Variants in SORL1-AS1 observed in about 807,000 individuals in gnomAD.
SORL1-AS1 encodes the protein SORL1 antisense RNA 1.
In SORL1-AS1 at chr11:121,452,464, G is replaced by T. The variant is rs577492989; in HGVS notation, n.339+211C>A. On this transcript the variant is annotated intron_variant and non_coding_transcript_variant, in intron 1 of 1. Transcript: ENST00000501964. This position sits in a 1 kb window ranked among gnomAD's most constrained non-coding sequence, Gnocchi z 5.3. ...CGGCGGCAGCGCGCCCTTGCCCCAG[G>T]ACCGGGGCTTCCTCGTGGTGCAGGG... 20 of 1,508,208 alleles carry T rather than the reference G, an allele frequency of 1.3e-5. No homozygotes were observed. Among genetic ancestry groups the T allele is most frequent in the Middle Eastern group, 2.2e-4 (1 of 4,632 alleles). 93.4% of individuals were successfully genotyped at this position (1,508,208 alleles called of 1,614,324 possible).
rs1860744234 is a variant in SORL1-AS1 at position 121,447,977 on chromosome 11, A to G, written n.2262T>C. ...CTAAGAGAGGTATCAGATGTGGCAG[A>G]AAAAGGGAGCCTGGGTTCAAATTTA... is the stretch of plus-strand genomic sequence containing the variant. On this transcript the variant is annotated non_coding_transcript_exon_variant, in exon 2 of 2. Transcript: ENST00000501964. The G allele has an allele frequency of 2.0e-5, 3 of 152,204 alleles. No homozygotes were observed. In the South Asian group the frequency reaches 6.2e-4, roughly 32 times the overall value. The allele number at this position is 152,204 out of a possible 1,614,324, so 9.4% of individuals were successfully genotyped here.
downstream of SORL1-AS1, among the ~76,000 whole-genome samples, chr11:121,444,267 C>T (rs1001543959): frequency 2.0e-5 from 3 of 152,196 alleles, no homozygotes; most frequent in Admixed American, 2.0e-4. Flanking sequence ...AATTGATTTA[C>T]CAACAATACC....
rs370760918 is a variant in SORL1-AS1 at position 121,452,229 on chromosome 11, C to T, written n.339+446G>A. On this transcript the variant is annotated intron_variant and non_coding_transcript_variant, in intron 1 of 1. Coordinates refer to ENST00000501964, the Ensembl canonical transcript of SORL1-AS1. The surrounding 1 kb of genome is among the most constrained non-coding windows in gnomAD (Gnocchi z 5.3). ...CCGGAGCGGCGCGGGCGGCCTGGAG[C>T]CCCGGGAGCGGCGCGCGCGGTCCCG... 367 of 926,298 alleles carry T rather than the reference C, an allele frequency of 4.0e-4. 2 individuals are homozygous for T. The East Asian group carries it at 0.012, about 30-fold the overall frequency. 57.4% of individuals were successfully genotyped at this position (926,298 alleles called of 1,614,324 possible).
rs1053604161 is a variant in SORL1-AS1, at chr11:121,450,864, G to A, written n.340-965C>T. Among the ~76,000 whole-genome samples the A allele has an allele frequency of 4.6e-5, 7 of 152,116 alleles. No homozygotes were observed. Among genetic ancestry groups the A allele is most frequent in the South Asian group, 2.1e-4 (1 of 4,838 alleles). On this transcript the variant is annotated intron_variant and non_coding_transcript_variant, in intron 1 of 1. Coordinates refer to ENST00000501964, the Ensembl canonical transcript of SORL1-AS1. The surrounding 1 kb of genome is among the most constrained non-coding windows in gnomAD (Gnocchi z 5.2). ...GAGGCAGAGGTCCCCAGCAAGTCTG[G>A]CATGGGGTAGGGTAGGGTGGTTGAA...
intron 1 of SORL1-AS1, among the ~76,000 whole-genome samples, chr11:121,451,304 T>A (rs961125475): frequency 6.6e-6 from 1 of 152,254 alleles, no homozygotes; most frequent in Non-Finnish European, 1.5e-5. Flanking sequence ...GCAGAAGTTT[T>A]ATCTCCTGTG....
chr11:121,441,901 C>A, the SORL1-AS1 span, among the ~76,000 whole-genome samples: 1 of 152,214 alleles, frequency 6.6e-6, no homozygotes, highest in African/African-American at 2.4e-5. Flanking sequence ...CCCAACTAAT[C>A]CACTGATCCT....
chr11:121,452,471 G>A lies in SORL1-AS1; in HGVS notation n.339+204C>T. The A allele has an allele frequency of 6.6e-7, 1 of 1,505,706 alleles. No homozygotes were observed. The allele number at this position is 1,505,706 out of a possible 1,614,324, so 93.3% of individuals were successfully genotyped here. The stretch of plus-strand genomic sequence containing the variant: ...AGCGCGCCCTTGCCCCAGGACCGGG[G>A]CTTCCTCGTGGTGCAGGGCGACCCG... On this transcript the variant is annotated intron_variant and non_coding_transcript_variant, in intron 1 of 1. Transcript: ENST00000501964. The surrounding 1 kb of genome is among the most constrained non-coding windows in gnomAD (Gnocchi z 5.3).
chr11:121,444,108 GTGTC>G (rs1390231308), downstream of SORL1-AS1, among the ~76,000 whole-genome samples: 2 of 151,954 alleles, frequency 1.3e-5, no homozygotes, highest in Admixed American at 6.6e-5. Flanking sequence ...GTGTGTGTGT[GTGTC>G]TGTGTGTCAG....
exon 2 of SORL1-AS1, chr11:121,449,149 G>A (rs2134752443): frequency 6.6e-6 from 1 of 152,272 alleles, no homozygotes; most frequent in South Asian, 2.1e-4. Context: ...GACAGAGGAG[G>A]GCAGTTTAAA....
downstream of SORL1-AS1, among the ~76,000 whole-genome samples, chr11:121,444,729 G>A (rs1860703128): frequency 2.6e-5 from 4 of 152,182 alleles, no homozygotes; most frequent in African/African-American, 9.7e-5. Flanking sequence ...GACAGATGGG[G>A]GAGCAGGAAC....
chr11:121,446,151 A>G (rs1038440377), downstream of SORL1-AS1, among the ~76,000 whole-genome samples: 4 of 152,328 alleles, frequency 2.6e-5, no homozygotes, highest in East Asian at 1.9e-4. Flanking sequence ...CTTTTACTTC[A>G]ATTCTGTAGG....
intron 1 of SORL1-AS1, among the ~76,000 whole-genome samples, chr11:121,451,428 A>G (rs913377891): frequency 2.6e-5 from 4 of 152,038 alleles, no homozygotes; most frequent in African/African-American, 4.8e-5. Context: ...AAATATGTCT[A>G]TTTTACTGCT....
At position 121,450,913 on chromosome 11, in the gene SORL1-AS1, A is replaced by G. The variant is rs1264463187; in HGVS notation, n.340-1014T>C. 6.6e-6 allele frequency among the ~76,000 whole-genome samples: 1 copy of G among 152,134 alleles called. No individual in the cohort carries two copies. Among genetic ancestry groups the G allele is most frequent in the African/African-American group, 2.4e-5 (1 of 41,440 alleles). On this transcript the variant is annotated intron_variant and non_coding_transcript_variant, in intron 1 of 1. Coordinates refer to ENST00000501964, the Ensembl canonical transcript of SORL1-AS1. This position sits in a 1 kb window ranked among gnomAD's most constrained non-coding sequence, Gnocchi z 5.2. ...AATACTGGCTTCAGGGAGATGAGGC[A>G]AGCTGGCCTGACTCTGGCAGGTTGT...
At chr11:121,445,224 G>A (rs886152298), downstream of SORL1-AS1, among the ~76,000 whole-genome samples, 15 of 152,196 alleles carry the variant, frequency 9.9e-5, no homozygotes, top group African/African-American at 3.6e-4. Context: ...TAGAGAAGGC[G>A]CACAGTGAGG....
intron 1 of SORL1-AS1, among the ~76,000 whole-genome samples, chr11:121,451,831 G>A (rs1860797401): frequency 6.6e-6 from 1 of 152,176 alleles, no homozygotes; most frequent in Non-Finnish European, 1.5e-5. Flanking sequence ...GGATGAGGCC[G>A]GGGCCGGGGG....
the SORL1-AS1 span, among the ~76,000 whole-genome samples, chr11:121,441,530 C>CAAAAAAAAAAAAAA: frequency 6.7e-4 from 35 of 52,334 alleles, no homozygotes; most frequent in East Asian, 1.2e-3. Context: ...GACTCTGTCT[C>CAAAAAAAAAAAAAA]AAAAAAAAAA....
chr11:121,449,879 G>A (rs1269037866), exon 2 of SORL1-AS1: 1 of 152,224 alleles, frequency 6.6e-6, no homozygotes, highest in Non-Finnish European at 1.5e-5. Flanking sequence ...GCACAGTCTT[G>A]GGGGGTTGCT....
At chr11:121,439,783 A>G in the SORL1-AS1 span, among the ~76,000 whole-genome samples, 1 of 152,150 alleles carries the variant, frequency 6.6e-6, no homozygotes, top group Non-Finnish European at 1.5e-5. Flanking sequence ...AATCTCCTCT[A>G]TTCTAAGTTA....
downstream of SORL1-AS1, among the ~76,000 whole-genome samples, chr11:121,444,020 C>T (rs754832861): frequency 2.3e-4 from 35 of 152,100 alleles, no homozygotes; most frequent in Non-Finnish European, 4.9e-4. Flanking sequence ...TAGGGGTGCC[C>T]TGAGCCTTCT....
Sources: allele counts gnomAD v4.1 joint callset (sites outside exome capture counted in the v4.1 genomes callset), GRCh38; gene constraint gnomAD v4.1.1; non-coding constraint Gnocchi (gnomAD v3.1); transcripts MANE v1.5; gene names NCBI Gene and HGNC (gene_info 2026-07-23, HGNC 2026-07-21).